Variants in PCDHGA1 observed in about 807,000 individuals in gnomAD.
PCDHGA1 encodes the protein protocadherin gamma-A1.
PCDHGA1 carries 32 observed loss-of-function variants against 58.0 expected under a neutral mutation model. The ratio of observed to expected loss-of-function variants is 0.55; its 90% CI spans 0.42 to 0.74. The LOEUF is 0.74. PCDHGA1 is among the 30% of genes least tolerant of loss of function. The probability of loss-of-function intolerance (pLI) is 0.00; values close to 1 mark genes in which losing one functional copy is unlikely to be tolerated. For missense variants in PCDHGA1, 1,205 were observed against 1,182.3 expected (o/e 1.02, Z -0.28); for synonymous variants, 498 against 501.1 (o/e 0.99, Z 0.08).
At chr5:141,414,287 C>A (rs374229359) in intron 1 of PCDHGA1, 4 of 1,613,316 alleles carry the variant, frequency 2.5e-6, no homozygotes, top group Non-Finnish European at 3.4e-6. Flanking sequence ...ACAGTCGTAG[C>A]CCTTTTAAAT....
At chr5:141,357,244 G>C in intron 1 of PCDHGA1, 4 of 1,613,834 alleles carry the variant, frequency 2.5e-6, no homozygotes, top group Non-Finnish European at 3.4e-6. Context: ...CAAGCCTTCA[G>C]CAGACCCAGA....
At chr5:141,475,512 C>A (rs2099364350) in intron 1 of PCDHGA1, among the ~76,000 whole-genome samples, 2 of 152,326 alleles carry the variant, frequency 1.3e-5, no homozygotes, top group South Asian at 4.1e-4. Context: ...AATGTCTCCA[C>A]GGAAATGCTA....
In PCDHGA1 at chr5:141,332,714, G is replaced by T; in HGVS notation, c.2030G>T (p.Ser677Ile). 6.2e-7 allele frequency: 1 copy of T among 1,613,984 alleles called. No homozygotes were observed. Among genetic ancestry groups the T allele is most frequent in the Non-Finnish European group, 8.5e-7 (1 of 1,179,962 alleles). Reference sequence around the variant, plus strand: ...TCCGACATCCTGGCCGACCTGGGCAGCCTCGAGCCCTCCGCCAAACCCAAC... The same window carrying T: ...TCCGACATCCTGGCCGACCTGGGCATCCTCGAGCCCTCCGCCAAACCCAAC... ...RISDILADLGSLEPSAKPNDS... is the reference protein window; with the variant it reads ...RISDILADLGILEPSAKPNDS... The change falls in exon 1 of 4, where the codon AGC (serine) becomes ATC (isoleucine). Residue 677 changes from serine to isoleucine, a missense_variant. Physicochemically the swap from Ser to Ile is moderately radical, Grantham distance 142. Coordinates refer to ENST00000517417, the MANE Select transcript of PCDHGA1 (RefSeq NM_018912.3). The surrounding 1 kb of genome is among the most constrained non-coding windows in gnomAD (Gnocchi z 4.6).
intron 1 of PCDHGA1, among the ~76,000 whole-genome samples, chr5:141,373,439 C>T (rs9324846): frequency 0.027 from 4,173 of 152,294 alleles, 185 homozygotes; most frequent in African/African-American, 0.096. Context: ...GGGAGGATCC[C>T]TTGATCCCAG....
chr5:141,388,848 G>A (rs766706887), intron 1 of PCDHGA1: 6 of 1,613,942 alleles, frequency 3.7e-6, no homozygotes, highest in South Asian at 3.3e-5. Flanking sequence ...AGCAAGGGAC[G>A]GTGGAGGAAT....
At chr5:141,405,232 C>T (rs779259588) in intron 1 of PCDHGA1, 8 of 1,613,990 alleles carry the variant, frequency 5.0e-6, no homozygotes, top group Middle Eastern at 1.6e-4. Flanking sequence ...TCTCCCTCAC[C>T]GCTGACTCAA....
At chr5:141,365,344 G>C (rs1449148775) in intron 1 of PCDHGA1, 1 of 1,613,966 alleles carries the variant, frequency 6.2e-7, no homozygotes, top group Non-Finnish European at 8.5e-7. Context: ...TCACAGTACA[G>C]GACGTGAATG....
chr5:141,472,994 AAAAG>A (rs1425445230), intron 1 of PCDHGA1, among the ~76,000 whole-genome samples: 7 of 151,692 alleles, frequency 4.6e-5, no homozygotes, highest in African/African-American at 1.7e-4. Context: ...AAAAAAAAAA[AAAAG>A]AAAGAAAAAG....
chr5:141,465,343 T>A (rs1221229916), intron 1 of PCDHGA1, among the ~76,000 whole-genome samples: 1 of 152,118 alleles, frequency 6.6e-6, no homozygotes, highest in Non-Finnish European at 1.5e-5. Flanking sequence ...TATTGGTTAC[T>A]GAAGAAAAAA....
chr5:141,344,707 A>G (rs1283845121), intron 1 of PCDHGA1: 1 of 1,613,856 alleles, frequency 6.2e-7, no homozygotes, highest in Admixed American at 1.7e-5. Context: ...CACTCTGGCA[A>G]CTTGCACATC....
rs1221134827 is a variant in PCDHGA1 at position 141,374,345 on chromosome 5, G to T, written c.2421+41240G>T. ...GCGAAACGGCAGCTTGGTCACCGCGGGTAGGATAGACCGCGAGGAGCTCTG... is the reference window on the plus strand; with the variant it reads ...GCGAAACGGCAGCTTGGTCACCGCGTGTAGGATAGACCGCGAGGAGCTCTG... On this transcript the variant is annotated intron_variant, in intron 1 of 3. Coordinates refer to ENST00000517417, the MANE Select transcript of PCDHGA1 (RefSeq NM_018912.3). The T allele has an allele frequency of 3.7e-6, 6 of 1,613,900 alleles. No homozygotes were observed. The African/African-American group carries it at 8.0e-5, about 22-fold the overall frequency.
chr5:141,364,347 G>C, intron 1 of PCDHGA1: 1 of 1,543,210 alleles, frequency 6.5e-7, no homozygotes, highest in East Asian at 2.3e-5. Context: ...AGTCCACCTA[G>C]GGGCTGGGGC....
At chr5:141,430,815 T>A in intron 1 of PCDHGA1, 1 of 1,535,252 alleles carries the variant, frequency 6.5e-7, no homozygotes, top group Non-Finnish European at 8.7e-7. Flanking sequence ...CTGGGAATCC[T>A]CCTGGGGACT....
chr5:141,355,945 G>T (rs372381838), intron 1 of PCDHGA1: 3 of 1,613,848 alleles, frequency 1.9e-6, no homozygotes, highest in East Asian at 2.2e-5. Flanking sequence ...CGAGTACCAC[G>T]TAAGTGTTCG....
chr5:141,421,537 T>C (rs11167744), intron 1 of PCDHGA1: 139,246 of 1,613,908 alleles, frequency 0.086, 6,702 homozygotes, highest in East Asian at 0.14. Context: ...GTCCTCCTGT[T>C]TTTTAAATAT....
intron 1 of PCDHGA1, chr5:141,405,162 C>T: frequency 6.2e-7 from 1 of 1,614,098 alleles, no homozygotes; most frequent in Non-Finnish European, 8.5e-7. Flanking sequence ...GGTGTGCCCA[C>T]CTCACACTTT....
In PCDHGA1 at chr5:141,510,272, T is replaced by TAAA. The variant is rs546154379; in HGVS notation, c.2570-658_2570-656dup. 1.5e-3 allele frequency among the ~76,000 whole-genome samples: 198 copies of TAAA among 130,372 alleles called. 1 individual carries two copies. Among genetic ancestry groups the TAAA allele is most frequent in the Non-Finnish European group, 2.8e-3 (172 of 61,058 alleles). The allele number at this position is 130,372 out of a possible 152,430, so 85.5% of individuals were successfully genotyped here. ...TGGGCGACAGAGCAGGACTCCATCTTAAAAAAAAAAAAAAAAAAATGCTGT... is the reference window on the plus strand; with the variant it reads ...TGGGCGACAGAGCAGGACTCCATCTTAAAAAAAAAAAAAAAAAAAAAATGCTGT... On this transcript the variant is annotated intron_variant, in intron 3 of 3. Coordinates refer to ENST00000517417, the MANE Select transcript of PCDHGA1 (RefSeq NM_018912.3).
intron 1 of PCDHGA1, chr5:141,340,428 A>G (rs1756944639): frequency 1.9e-6 from 3 of 1,614,184 alleles, no homozygotes; most frequent in African/African-American, 1.3e-5. Flanking sequence ...GACAATGCTC[A>G]TGTAACTTAC....
At chr5:141,395,896 A>C (rs1229120477) in intron 1 of PCDHGA1, 2 of 152,188 alleles carry the variant, frequency 1.3e-5, no homozygotes, top group Admixed American at 6.5e-5. Flanking sequence ...CCTGGGCTCC[A>C]TGCCCATGGA....
Sources: allele counts gnomAD v4.1 joint callset (sites outside exome capture counted in the v4.1 genomes callset), GRCh38; gene constraint gnomAD v4.1.1; non-coding constraint Gnocchi (gnomAD v3.1); transcripts MANE v1.5; gene names NCBI Gene and HGNC (gene_info 2026-07-23, HGNC 2026-07-21).